SIPA1L3: variants seen among roughly 807,000 people sequenced by gnomAD.
SIPA1L3 encodes the protein signal-induced proliferation-associated 1-like protein 3.
In SIPA1L3, 59 loss-of-function variants were observed where a neutral mutation model predicts 150.1. That is an observed-to-expected ratio of 0.39 (90% CI 0.32 to 0.49). The LOEUF is 0.49. Ranked by LOEUF, SIPA1L3 falls within the 20% of genes least tolerant of loss-of-function variation. The pLI, the probability that SIPA1L3 is intolerant of heterozygous loss-of-function variation, is 0.86. For synonymous variants in SIPA1L3, 1,070 were observed against 1,077.6 expected (o/e 0.99, Z 0.14); for missense variants, 2,211 against 2,489.5 (o/e 0.89, Z 2.38).
intron 10 of SIPA1L3, among the ~76,000 whole-genome samples, chr19:38,136,279 G>C (rs1450708967): frequency 6.6e-6 from 1 of 151,332 alleles, no homozygotes; most frequent in African/African-American, 2.4e-5. Context: ...TTGGGAGACA[G>C]GGATGCGTGT....
intron 2 of SIPA1L3, among the ~76,000 whole-genome samples, chr19:38,068,737 G>C (rs1226142583): frequency 2.0e-5 from 3 of 152,166 alleles, no homozygotes; most frequent in Non-Finnish European, 2.9e-5. Context: ...CACAGCTGTA[G>C]TCCCAGCTAC....
At chr19:37,957,337 G>A (rs2046819747) in intron 1 of SIPA1L3, among the ~76,000 whole-genome samples, 1 of 152,170 alleles carries the variant, frequency 6.6e-6, no homozygotes, top group Admixed American at 6.5e-5. Flanking sequence ...TTGATAGACT[G>A]TGTGTTGACT....
intron 9 of SIPA1L3, among the ~76,000 whole-genome samples, chr19:38,124,458 G>A (rs1971121490): frequency 6.6e-6 from 1 of 151,972 alleles, no homozygotes; most frequent in African/African-American, 2.4e-5. Flanking sequence ...GCCGGGAAGA[G>A]GCGCTCCTCA....
chr19:37,939,982 C>G (rs1055911093), intron 1 of SIPA1L3, among the ~76,000 whole-genome samples: 2 of 152,192 alleles, frequency 1.3e-5, no homozygotes, highest in South Asian at 4.1e-4. Context: ...CTGTTTTGTA[C>G]AGGCACTATT....
intron 2 of SIPA1L3, among the ~76,000 whole-genome samples, chr19:38,059,305 G>A (rs946480460): frequency 1.4e-5 from 2 of 144,610 alleles, no homozygotes; most frequent in Non-Finnish European, 3.0e-5. Context: ...CCAGCAAACA[G>A]CTGAGATTTT....
At chr19:38,194,477 T>G (rs1972877038) in intron 18 of SIPA1L3, among the ~76,000 whole-genome samples, 1 of 152,098 alleles carries the variant, frequency 6.6e-6, no homozygotes, top group Non-Finnish European at 1.5e-5. Flanking sequence ...TCCCCCTACT[T>G]AGTGCTAGCA....
At chr19:38,064,561 G>A (rs1258252408) in intron 2 of SIPA1L3, among the ~76,000 whole-genome samples, 1 of 152,104 alleles carries the variant, frequency 6.6e-6, no homozygotes, top group African/African-American at 2.4e-5. Flanking sequence ...GCCGGGCGTG[G>A]TGGTGTGGGT....
intron 2 of SIPA1L3, among the ~76,000 whole-genome samples, chr19:38,033,120 T>C (rs73038682): frequency 3.3e-5 from 5 of 152,304 alleles, no homozygotes; most frequent in Non-Finnish European, 5.9e-5. Flanking sequence ...GAAAAGGAAA[T>C]GTGTTCCCTC....
intron 2 of SIPA1L3, among the ~76,000 whole-genome samples, chr19:38,038,433 T>C (rs990465945): frequency 6.6e-6 from 1 of 151,854 alleles, no homozygotes; most frequent in Non-Finnish European, 1.5e-5. Flanking sequence ...CTACTAAAAA[T>C]ACAAAAATTA....
In SIPA1L3 at chr19:38,164,489, A is replaced by G; in HGVS notation, c.3791A>G (p.Gln1264Arg). 6.2e-7 allele frequency: 1 copy of G among 1,607,826 alleles called. No homozygotes were observed. Among genetic ancestry groups the G allele is most frequent in the Non-Finnish European group, 8.5e-7 (1 of 1,175,286 alleles). Residue 1264 changes from glutamine to arginine, a missense_variant, in exon 15 of 22, where the codon CAA becomes CGA. Gln to Arg is a conservative substitution (Grantham distance 43). Transcript: ENST00000222345. This position sits in a 1 kb window ranked among gnomAD's most constrained non-coding sequence, Gnocchi z 4.1. ...SPNRHSKGEP[Q>R]YSSHSSSNTL... is the part of the protein sequence containing the mutation. Reference sequence around the variant, plus strand: ...TCTCTTGCCTCTCAGGGAGAACCTCAATACTCAAGTCATTCCAGCAGCAAC... The same window carrying G: ...TCTCTTGCCTCTCAGGGAGAACCTCGATACTCAAGTCATTCCAGCAGCAAC...
chr19:38,181,052 A>G (rs939074084), intron 15 of SIPA1L3, among the ~76,000 whole-genome samples: 5 of 152,286 alleles, frequency 3.3e-5, no homozygotes, highest in African/African-American at 7.2e-5. Flanking sequence ...TACCGTCCCA[A>G]AGGTTCTGCT....
chr19:38,197,083 C>T (rs974705729), intron 18 of SIPA1L3, among the ~76,000 whole-genome samples: 4 of 152,128 alleles, frequency 2.6e-5, no homozygotes, highest in African/African-American at 7.2e-5. Context: ...GCGCCTCGCT[C>T]GGGTCTCAGT....
chr19:38,054,397 A>G (rs1480616697), intron 2 of SIPA1L3, among the ~76,000 whole-genome samples: 1 of 152,192 alleles, frequency 6.6e-6, no homozygotes, highest in Non-Finnish European at 1.5e-5. Flanking sequence ...ACTTGACGTC[A>G]GAAGTTTGAG....
At chr19:37,949,487 G>A (rs773691499) in intron 1 of SIPA1L3, among the ~76,000 whole-genome samples, 15 of 152,154 alleles carry the variant, frequency 9.9e-5, no homozygotes, top group Non-Finnish European at 1.9e-4. Flanking sequence ...CCAACATGGT[G>A]AAACCCCATC....
At chr19:38,112,440 G>T (rs189793765) in intron 8 of SIPA1L3, among the ~76,000 whole-genome samples, 213 of 152,250 alleles carry the variant, frequency 1.4e-3, no homozygotes, top group African/African-American at 5.0e-3. Context: ...TCCTACTGGG[G>T]TCATCACATC....
chr19:38,178,085 T>TGGTGTG (rs1555794879), intron 15 of SIPA1L3, among the ~76,000 whole-genome samples: 38 of 100,794 alleles, frequency 3.8e-4, no homozygotes, highest in African/African-American at 1.4e-3. Flanking sequence ...TGCAGGCTTT[T>TGGTGTG]GGTGTGTGTG....
chr19:38,129,555 G>A (rs1284608480), intron 9 of SIPA1L3, among the ~76,000 whole-genome samples: 1 of 151,090 alleles, frequency 6.6e-6, no homozygotes, highest in African/African-American at 2.4e-5. Context: ...AACCCGGGAG[G>A]CGGAGGTTGC....
At position 38,152,894 on chromosome 19, in the gene SIPA1L3, T is replaced by C; in HGVS notation, c.3588T>C (p.Asp1196=). 6.2e-7 allele frequency: 1 copy of C among 1,613,800 alleles called. No homozygotes were observed. Among genetic ancestry groups the C allele is most frequent in the Non-Finnish European group, 8.5e-7 (1 of 1,179,878 alleles). Residue 1196 remains aspartate, a synonymous_variant, in exon 13 of 22, where the codon GAT becomes GAC. Transcript: ENST00000222345. ...LLSLDPHFSH[D]GTSSGDSSSG... is the part of the protein sequence containing the mutation. ...CTCTTGATCCCCACTTCAGCCACGA[T>C]GGGACGTCCAGCGGCGACTCCTCTT...
At chr19:38,142,476 T>A in intron 11 of SIPA1L3, 97 bp from the exon 12 acceptor site, 4 of 1,375,978 alleles carry the variant, frequency 2.9e-6, no homozygotes, top group Non-Finnish European at 3.0e-6. Flanking sequence ...TGTCTGTCTG[T>A]CCGTCTGTCC....
Sources: gnomAD v4.1 joint callset for allele counts (sites outside exome capture counted in the v4.1 genomes callset) on GRCh38, gnomAD v4.1.1 for gene constraint, Gnocchi (gnomAD v3.1) non-coding constraint, MANE v1.5 for transcripts, NCBI Gene and HGNC (gene_info 2026-07-23, HGNC 2026-07-21) for gene names.